PAH: variants seen among roughly 807,000 people sequenced by gnomAD.
The protein encoded by PAH is phenylalanine hydroxylase, also known as phenylalanine-4-hydroxylase.
Under a neutral mutation model 62.0 loss-of-function variants are expected in PAH, and 64 were observed. That is an observed-to-expected ratio of 1.03 (90% CI 0.84 to 1.27). The LOEUF (loss-of-function observed/expected upper bound fraction) is 1.27, where lower values mean the gene tolerates loss of function less well. Among genes scored for constraint, PAH ranks in the 50% most tolerant of loss-of-function variants. The pLI, the probability that PAH is intolerant of heterozygous loss-of-function variation, is 0.00. For synonymous variants in PAH, 195 were observed against 196.2 expected (o/e 0.99, Z 0.05); for missense variants, 579 against 542.8 (o/e 1.07, Z -0.66).
At chr12:102,895,869 A>ATATATATATAT (rs1555208129) in intron 2 of PAH, among the ~76,000 whole-genome samples, 12 of 118,710 alleles carry the variant, frequency 1.0e-4, no homozygotes, top group African/African-American at 4.3e-4. Context: ...AAAAAAAAAA[A>ATATATATATAT]ATATATATAT....
chr12:102,859,500 A>C lies in PAH; in HGVS notation c.510-4168T>G, dbSNP rs896842340. ...GAGGCCAGCATCATCCTGATACCAA[A>C]GCCTGGCAGAGACACAACAAAAAAG... On this transcript the variant is annotated intron_variant, in intron 5 of 12. Transcript: ENST00000553106. Among the ~76,000 whole-genome samples the C allele has an allele frequency of 1.4e-4, 21 of 152,348 alleles. No homozygotes were observed. The East Asian group carries it at 2.1e-3, about 15-fold the overall frequency.
chr12:102,841,550 G>A (rs1041425831), intron 11 of PAH, among the ~76,000 whole-genome samples: 1 of 152,152 alleles, frequency 6.6e-6, no homozygotes, highest in Non-Finnish European at 1.5e-5. Context: ...AGTGGTACCT[G>A]CCTCAGGGGG....
chr12:102,837,924 T>A lies in PAH; in HGVS notation c.*1251A>T, dbSNP rs571958853. 1 of 152,294 alleles carries A rather than the reference T, an allele frequency of 6.6e-6. No homozygotes were observed. The highest frequency in any genetic ancestry group is 1.5e-5 in the Non-Finnish European group (1 of 68,024). The allele number at this position is 152,294 out of a possible 1,614,324, so 9.4% of individuals were successfully genotyped here. A position where few individuals can be genotyped will look rare whatever the true frequency, so the allele number is the denominator to read the frequency against. ...CTTATCTTCAGAGATTCAAATTGGG[T>A]GGAGCTGGGAAGGTACCCAGAATTT... On this transcript the variant is annotated 3_prime_UTR_variant, in exon 13 of 13. Transcript: ENST00000553106.
In PAH at chr12:102,846,907, T is replaced by G. The variant is rs1387415225; in HGVS notation, c.957A>C (p.Glu319Asp). 13 of 1,613,522 alleles carry G rather than the reference T, an allele frequency of 8.1e-6. No individual in the cohort carries two copies. Among genetic ancestry groups the G allele is most frequent in the Non-Finnish European group, 1.1e-5 (13 of 1,179,622 alleles). ...AGAAGGGACTTACTGTGGCGAGCTT[T>G]TCAATGTATTCATCAGGTGCACCCA... is the stretch of plus-strand genomic sequence containing the variant. ...ASLGAPDEYI[E>D]KLATIYWFTV... Residue 319 changes from glutamate to aspartate, a missense_variant, in exon 9 of 13, where the codon GAA becomes GAC. By Grantham distance (45) the Glu-to-Asp change is conservative. Coordinates refer to ENST00000553106, the MANE Select transcript of PAH (RefSeq NM_000277.3).
upstream of PAH, among the ~76,000 whole-genome samples, chr12:102,952,796 A>G (rs1879806864): frequency 1.3e-5 from 2 of 152,098 alleles, no homozygotes; most frequent in South Asian, 2.1e-4. Flanking sequence ...ATATTGAAAA[A>G]GTGAATAGAT....
upstream of PAH, chr12:102,958,393 CGCAGCAGCA>C (rs3832799): frequency 3.1e-3 from 4,701 of 1,507,038 alleles, 14 homozygotes; most frequent in Middle Eastern, 0.011. Flanking sequence ...GCGCAGAGCG[CGCAGCAGCA>C]GCAGCAGCAG....
At chr12:102,854,853 C>G in intron 6 of PAH, 1 of 490,388 alleles carries the variant, frequency 2.0e-6, no homozygotes, top group Non-Finnish European at 3.7e-6. Context: ...AGTGAAGCAC[C>G]TTGGGCTTTA....
At chr12:102,949,726 A>G (rs1879664601) in intron 1 of PAH, among the ~76,000 whole-genome samples, 2 of 152,202 alleles carry the variant, frequency 1.3e-5, no homozygotes, top group Admixed American at 1.3e-4. Context: ...ATGTGTTTGC[A>G]TAACAAGTCC....
intron 3 of PAH, among the ~76,000 whole-genome samples, chr12:102,894,133 G>T (rs1382795685): frequency 6.6e-6 from 1 of 152,114 alleles, no homozygotes; most frequent in Admixed American, 6.5e-5. Context: ...ATGGTAAAAG[G>T]CAGTGGTCCA....
intron 5 of PAH, among the ~76,000 whole-genome samples, chr12:102,857,753 C>A (rs1255812719): frequency 3.9e-5 from 6 of 152,082 alleles, no homozygotes; most frequent in South Asian, 2.1e-4. Flanking sequence ...GAAATAAAAT[C>A]CTTTACAGAC....
intron 1 of PAH, among the ~76,000 whole-genome samples, chr12:102,939,395 C>T (rs1483310962): frequency 1.3e-5 from 2 of 152,196 alleles, no homozygotes; most frequent in East Asian, 1.9e-4. Flanking sequence ...AGGCAGGGCC[C>T]ACTGGCTTAG....
intron 4 of PAH, among the ~76,000 whole-genome samples, chr12:102,870,344 G>A (rs1295592887): frequency 6.6e-6 from 1 of 152,132 alleles, no homozygotes; most frequent in African/African-American, 2.4e-5. Flanking sequence ...TATTCACAAG[G>A]AGCATGGCCT....
chr12:102,868,047 T>G lies in PAH; in HGVS notation c.442-1384A>C, dbSNP rs1198861992. ...ATATACATGTATATACACCTATATA[T>G]ATGTATATATATACACATATATATA... On this transcript the variant is annotated intron_variant, in intron 4 of 12. Transcript: ENST00000553106. Among the ~76,000 whole-genome samples the G allele has an allele frequency of 4.5e-4, 53 of 119,058 alleles. 1 individual carries two copies. The highest frequency in any genetic ancestry group is 1.4e-3 in the African/African-American group (48 of 34,748). 78.1% of individuals were successfully genotyped at this position (119,058 alleles called of 152,430 possible).
chr12:102,846,745 T>C, intron 9 of PAH, 150 bp downstream of exon 9: 2 of 686,640 alleles, frequency 2.9e-6, no homozygotes, highest in South Asian at 3.2e-5. Context: ...TCTATCAAAA[T>C]GTGAAGTTTC....
chr12:102,938,776 G>A (rs1445719179), intron 1 of PAH, among the ~76,000 whole-genome samples: 1 of 152,144 alleles, frequency 6.6e-6, no homozygotes, highest in Non-Finnish European at 1.5e-5. Flanking sequence ...CCTCCAACAT[G>A]CTGTAGTAGA....
intron 7 of PAH, 63 bp downstream of exon 7, chr12:102,852,752 T>C: frequency 6.2e-7 from 1 of 1,609,868 alleles, no homozygotes; most frequent in South Asian, 1.1e-5. Context: ...AACCTCATTC[T>C]TGCAGCAGGA....
chr12:102,932,733 T>G lies in PAH; in HGVS notation c.-95-15508A>C, dbSNP rs115267792. ...AAAGGAGGCAAAGCAGGTTTTTCACTCTTACGGGAACTTCAAAGGCAGTGG... is the reference window on the plus strand; with the variant it reads ...AAAGGAGGCAAAGCAGGTTTTTCACGCTTACGGGAACTTCAAAGGCAGTGG... On this transcript the variant is annotated intron_variant, in intron 1 of 3. Coordinates refer to the PAH transcript ENST00000546844. 4.7e-3 allele frequency among the ~76,000 whole-genome samples: 722 copies of G among 152,308 alleles called. 4 individuals carry two copies. Among genetic ancestry groups the G allele is most frequent in the African/African-American group, 0.017 (701 of 41,566 alleles).
At chr12:102,840,589 C>A (rs957231324) in intron 11 of PAH, 74 bp from the exon 12 acceptor site, 1 of 1,022,804 alleles carries the variant, frequency 9.8e-7, no homozygotes. Flanking sequence ...TTCTCAGTGG[C>A]ATTTTACTTC....
chr12:102,857,453 A>C (rs1474083629), intron 5 of PAH, among the ~76,000 whole-genome samples: 1 of 152,218 alleles, frequency 6.6e-6, no homozygotes, highest in Non-Finnish European at 1.5e-5. Flanking sequence ...CCAACATTCA[A>C]ATTCAGGAAA....
Sources: allele counts gnomAD v4.1 joint callset (sites outside exome capture counted in the v4.1 genomes callset), GRCh38; gene constraint gnomAD v4.1.1; transcripts MANE v1.5; gene names NCBI Gene and HGNC (gene_info 2026-07-23, HGNC 2026-07-21).